Variants in DCDC1 observed in about 807,000 individuals in gnomAD.
DCDC1 encodes the protein doublecortin domain containing 1.
In DCDC1, 200 loss-of-function variants were observed where a neutral mutation model predicts 178.3. That is an observed-to-expected ratio of 1.12 (90% CI 1.00 to 1.26). The LOEUF (loss-of-function observed/expected upper bound fraction) is 1.26, where lower values mean the gene tolerates loss of function less well. Ranked by LOEUF, DCDC1 falls within the 50% of genes most tolerant of loss-of-function variation. The pLI is 0.00. For synonymous variants in DCDC1, 690 were observed against 604.8 expected, an observed-to-expected ratio of 1.14 and a Z score of -2.07; for missense variants, 1,983 against 1,749.2, an observed-to-expected ratio of 1.13 and a Z score of -2.38.
chr11:31,285,632 GT>G (rs927684285), intron 7 of DCDC1, among the ~76,000 whole-genome samples: 1 of 151,960 alleles, frequency 6.6e-6, no homozygotes, highest in East Asian at 1.9e-4. Flanking sequence ...AGCTTATTAA[GT>G]TTTTTTATTA....
At chr11:31,292,085 T>C (rs945782735) in intron 6 of DCDC1, among the ~76,000 whole-genome samples, 6 of 152,000 alleles carry the variant, frequency 3.9e-5, no homozygotes, top group Non-Finnish European at 7.4e-5. Flanking sequence ...CCGTGGCAGA[T>C]AGATAAACAA....
chr11:31,327,737 A>T (rs767835950), intron 3 of DCDC1, among the ~76,000 whole-genome samples: 23 of 150,762 alleles, frequency 1.5e-4, no homozygotes, highest in Non-Finnish European at 3.1e-4. Flanking sequence ...GTACTCAAAC[A>T]TTTTTTTTTA....
intron 36 of DCDC1, chr11:30,882,744 A>G (rs1489890001): frequency 6.6e-6 from 1 of 152,218 alleles, no homozygotes; most frequent in African/African-American, 2.4e-5. Context: ...AATCAACAAT[A>G]GCAACAATGT....
chr11:30,903,558 G>T lies in DCDC1; in HGVS notation c.4434C>A (p.Leu1478=). 1 of 1,608,066 alleles carries T rather than the reference G, an allele frequency of 6.2e-7. No individual in the cohort carries two copies. The highest frequency in any genetic ancestry group is 8.5e-7 in the Non-Finnish European group (1 of 1,177,078). ...LVLWALDESF[L]QRDSEKQKQD... ...GCTTTTGTTTCTCAGAGTCTCTCTG[G>T]AGAAAGGATTCATCTAGAGCCCATA... Residue 1478 remains leucine (L), a synonymous_variant, in exon 32 of 39, where the codon CTC becomes CTA. Transcript: ENST00000684477.
In DCDC1 at chr11:30,952,526, C is replaced by T. The variant is rs755333408; in HGVS notation, c.2634G>A (p.Trp878Ter). ...KHEGTSKPGQ[W>*]KHSRVENPLW... ...GAGGATTTTCAACTCTAGAATGTTT[C>T]CACTGGCCTGGCTTACTGGTTCCTT... The change falls in exon 21 of 39, where the codon TGG becomes TGA. Residue 878 changes from tryptophan to a stop codon, truncating the protein, a stop_gained. Coordinates refer to ENST00000684477, the MANE Select transcript of DCDC1 (RefSeq NM_001387274.1). LOFTEE classifies it high-confidence loss of function. The T allele has an allele frequency of 3.2e-6, 5 of 1,581,630 alleles. No homozygotes were observed. The highest frequency in any genetic ancestry group is 4.3e-6 in the Non-Finnish European group (5 of 1,166,298).
At chr11:31,325,800 T>C (rs1350478083) in intron 3 of DCDC1, among the ~76,000 whole-genome samples, 1 of 151,930 alleles carries the variant, frequency 6.6e-6, no homozygotes. Flanking sequence ...GAAAAACAAA[T>C]TGACTATATT....
At chr11:31,236,581 T>G (rs1214031847) in intron 9 of DCDC1, among the ~76,000 whole-genome samples, 1 of 151,892 alleles carries the variant, frequency 6.6e-6, no homozygotes, top group African/African-American at 2.4e-5. Flanking sequence ...GCATGACACT[T>G]AGAAAGAGAC....
chr11:30,906,594 G>A lies in DCDC1; in HGVS notation c.4050C>T (p.Thr1350=), dbSNP rs781449655. 5 of 1,613,084 alleles carry A rather than the reference G, an allele frequency of 3.1e-6. No individual in the cohort carries two copies. The highest frequency in any genetic ancestry group is 1.3e-5 in the African/African-American group (1 of 74,848). The part of the protein sequence containing the change: ...PGVPFLCISG[T]KTQKPFLQGP... ...CTTGTAAGAAGGGCTTCTGAGTCTTGGTGCCTGAAATACAGAGGAATGGAA... is the reference window on the plus strand; with the variant it reads ...CTTGTAAGAAGGGCTTCTGAGTCTTAGTGCCTGAAATACAGAGGAATGGAA... Residue 1350 remains threonine, a synonymous_variant, in exon 30 of 39, where the codon ACC becomes ACT. Coordinates refer to ENST00000684477, the MANE Select transcript of DCDC1 (RefSeq NM_001387274.1).
chr11:30,918,470 A>G (rs960083065), intron 25 of DCDC1, among the ~76,000 whole-genome samples: 1 of 152,226 alleles, frequency 6.6e-6, no homozygotes, highest in Non-Finnish European at 1.5e-5. Context: ...TAAACAAGAT[A>G]AATGCCATAA....
intron 36 of DCDC1, among the ~76,000 whole-genome samples, chr11:30,891,408 T>C (rs536195229): frequency 1.3e-5 from 2 of 152,312 alleles, no homozygotes; most frequent in African/African-American, 4.8e-5. Context: ...ATATAAGTAT[T>C]CTTCATCAAA....
chr11:30,881,409 T>A (rs769779385), intron 36 of DCDC1, 101 bp from the exon 37 acceptor site: 4 of 1,417,554 alleles, frequency 2.8e-6, no homozygotes, highest in Admixed American at 2.2e-5. Context: ...CCCAGTTTGA[T>A]TATTTGCCCA....
At chr11:31,107,228 T>C (rs779097713) in intron 12 of DCDC1, among the ~76,000 whole-genome samples, 3 of 152,176 alleles carry the variant, frequency 2.0e-5, no homozygotes, top group Non-Finnish European at 4.4e-5. Context: ...TGAAAGCAGA[T>C]GTGACAGTCT....
chr11:31,269,075 G>A (rs147820758), intron 7 of DCDC1, among the ~76,000 whole-genome samples: 9 of 152,114 alleles, frequency 5.9e-5, no homozygotes, highest in African/African-American at 2.2e-4. Flanking sequence ...TAATGTATGA[G>A]CAACTCTGTC....
chr11:30,900,229 G>A (rs1399677922), intron 33 of DCDC1, 117 bp downstream of exon 33: 1 of 932,070 alleles, frequency 1.1e-6, no homozygotes, highest in Non-Finnish European at 1.5e-6. Flanking sequence ...TTGTATAAAT[G>A]TGATGTTATT....
At chr11:30,996,285 T>C (rs1565165401) in intron 20 of DCDC1, among the ~76,000 whole-genome samples, 1 of 152,146 alleles carries the variant, frequency 6.6e-6, no homozygotes, top group East Asian at 1.9e-4. Flanking sequence ...ACCCTGCTGA[T>C]ACCAAGGGCT....
At position 31,208,504 on chromosome 11, in the gene DCDC1, G is replaced by T. The variant is rs139717019; in HGVS notation, c.1221+32946C>A. On this transcript the variant is annotated intron_variant, in intron 9 of 38. Transcript: ENST00000684477. ...ACTCTTTGGAGGTTTGTCTGTCTCC[G>T]CTCATCCTACAATGCCTCCTCCACA... is the stretch of plus-strand genomic sequence containing the variant. 5.6e-4 allele frequency among the ~76,000 whole-genome samples: 85 copies of T among 152,164 alleles called. 1 individual carries two copies. The highest frequency in any genetic ancestry group is 1.8e-3 in the African/African-American group (74 of 41,514).
chr11:30,987,739 G>C (rs557648796), intron 20 of DCDC1, among the ~76,000 whole-genome samples: 41 of 152,210 alleles, frequency 2.7e-4, no homozygotes, highest in African/African-American at 8.7e-4. Context: ...ATGTAGCCTA[G>C]GATGCCTTTG....
chr11:30,945,734 ATCTATCTATCTATCTGTCTG>A (rs1205322612), intron 21 of DCDC1, among the ~76,000 whole-genome samples: 133 of 145,480 alleles, frequency 9.1e-4, no homozygotes, highest in African/African-American at 3.1e-3. Context: ...CTATCTATCT[ATCTATCTATCTATCTGTCTG>A]TCTGTCTATC....
At chr11:30,916,472 A>C (rs1945843989) in intron 26 of DCDC1, among the ~76,000 whole-genome samples, 2 of 152,184 alleles carry the variant, frequency 1.3e-5, no homozygotes, top group Admixed American at 6.5e-5. Flanking sequence ...TTGACAAAAA[A>C]CATTAAACTA....
Sources: gnomAD v4.1 joint callset for allele counts (sites outside exome capture counted in the v4.1 genomes callset) on GRCh38, gnomAD v4.1.1 for gene constraint, MANE v1.5 for transcripts, NCBI Gene and HGNC (gene_info 2026-07-23, HGNC 2026-07-21) for gene names.